The following TEAD1 variants were observed in gnomAD, a reference collection of about 807,000 sequenced individuals.
TEAD1 encodes the protein transcriptional enhancer factor TEF-1.
In TEAD1, 9 loss-of-function variants were observed where a neutral mutation model predicts 54.9. The observed-to-expected ratio is 0.16, with a 90% CI of 0.10 to 0.29. The LOEUF (loss-of-function observed/expected upper bound fraction) is 0.29. TEAD1 is among the 10% of genes least tolerant of loss of function. TEAD1 has a pLI of 1.00. For missense variants in TEAD1, 387 were observed against 535.9 expected, an observed-to-expected ratio of 0.72 and a Z score of 2.74; for synonymous variants, 200 against 187.8, an observed-to-expected ratio of 1.07 and a Z score of -0.53.
At chr11:12,743,885 C>A (rs941306407) in intron 2 of TEAD1, among the ~76,000 whole-genome samples, 2 of 152,172 alleles carry the variant, frequency 1.3e-5, no homozygotes, top group Non-Finnish European at 2.9e-5. Flanking sequence ...GACCTTGGGA[C>A]ACTACGAAGG....
intron 2 of TEAD1, among the ~76,000 whole-genome samples, chr11:12,718,337 C>T (rs1181662734): frequency 6.6e-6 from 1 of 152,130 alleles, no homozygotes; most frequent in Non-Finnish European, 1.5e-5. Flanking sequence ...AATCAGGTGT[C>T]CCCCGGCCCC....
At chr11:12,726,237 G>A (rs1188527643) in intron 2 of TEAD1, among the ~76,000 whole-genome samples, 2 of 152,200 alleles carry the variant, frequency 1.3e-5, no homozygotes, top group African/African-American at 4.8e-5. Flanking sequence ...CCTTGAAAGA[G>A]TGGTACCTCT....
Position 12,816,906 on chromosome 11 carries a change from G to T in TEAD1, c.203-45344G>T, listed in dbSNP as rs76852458. On this transcript the variant is annotated intron_variant, in intron 3 of 12. Transcript: ENST00000527636. ...TGCACCCCTCCCTGTTCTTCAAGATGCCTTCTCTGGCCATCAGGGCAGCAT... is the reference window on the plus strand; with the variant it reads ...TGCACCCCTCCCTGTTCTTCAAGATTCCTTCTCTGGCCATCAGGGCAGCAT... 1.7e-4 allele frequency among the ~76,000 whole-genome samples: 26 copies of T among 152,290 alleles called. No homozygotes were observed. In the East Asian group the frequency reaches 4.8e-3, roughly 28 times the overall value.
chr11:12,907,489 C>G (rs1321199682), intron 10 of TEAD1, among the ~76,000 whole-genome samples: 3 of 152,210 alleles, frequency 2.0e-5, no homozygotes, highest in Non-Finnish European at 4.4e-5. Context: ...GCCTCTTACT[C>G]ATTTCCTTTC....
rs976104656 is a variant in TEAD1 at position 12,942,991 on chromosome 11, C to T, written c.*5769C>T. 1.3e-5 allele frequency: 2 copies of T among 152,100 alleles called. No homozygotes were observed. The highest frequency in any genetic ancestry group is 2.4e-5 in the African/African-American group (1 of 41,416). The allele number at this position is 152,100 out of a possible 1,614,324, so 9.4% of individuals were successfully genotyped here. On this transcript the variant is annotated 3_prime_UTR_variant, in exon 13 of 13. Coordinates refer to ENST00000527636, the MANE Select transcript of TEAD1 (RefSeq NM_021961.6). Reference sequence around the variant, plus strand: ...AGGCCAAACACCAGCCAAAAAGAAACTAGGAAAAAAAGATTTTCTTTGCTA... The same window carrying T: ...AGGCCAAACACCAGCCAAAAAGAAATTAGGAAAAAAAGATTTTCTTTGCTA...
At chr11:12,913,223 G>A (rs1948649048) in intron 10 of TEAD1, among the ~76,000 whole-genome samples, 1 of 152,070 alleles carries the variant, frequency 6.6e-6, no homozygotes, top group Admixed American at 6.6e-5. Flanking sequence ...TCCATGTGCA[G>A]GTAAAGATCC....
At chr11:12,856,329 G>A (rs763716607) in intron 3 of TEAD1, among the ~76,000 whole-genome samples, 2 of 152,076 alleles carry the variant, frequency 1.3e-5, no homozygotes, top group Non-Finnish European at 2.9e-5. Context: ...CATGACATGT[G>A]CTGAAATGAT....
At chr11:12,925,990 T>G (rs768098646) in intron 11 of TEAD1, among the ~76,000 whole-genome samples, 37 of 152,176 alleles carry the variant, frequency 2.4e-4, no homozygotes, top group Non-Finnish European at 7.3e-5. Context: ...TTTAAAAAGA[T>G]GTATATTTGT....
chr11:12,865,471 C>T (rs1564968905), intron 5 of TEAD1: 1 of 155,014 alleles, frequency 6.5e-6, no homozygotes, highest in African/African-American at 2.4e-5. Context: ...ACATTGCTTA[C>T]TACTGTTTTT....
At chr11:12,776,673 C>G (rs895423567) in intron 3 of TEAD1, among the ~76,000 whole-genome samples, 18 of 151,592 alleles carry the variant, frequency 1.2e-4, no homozygotes, top group African/African-American at 4.4e-4. Flanking sequence ...GCAGATAATT[C>G]TGTCTGCCTA....
At chr11:12,900,061 A>G (rs1948396615) in intron 9 of TEAD1, among the ~76,000 whole-genome samples, 1 of 152,200 alleles carries the variant, frequency 6.6e-6, no homozygotes, top group African/African-American at 2.4e-5. Context: ...ATGTTTCTTT[A>G]TGGAAGTGCC....
intron 2 of TEAD1, among the ~76,000 whole-genome samples, chr11:12,755,353 A>G (rs777615287): frequency 3.3e-5 from 5 of 152,152 alleles, no homozygotes; most frequent in Non-Finnish European, 7.3e-5. Flanking sequence ...ACCGAGTTAT[A>G]ATAATCGGAT....
chr11:12,756,365 A>G (rs116314259), intron 2 of TEAD1, among the ~76,000 whole-genome samples: 3,287 of 152,248 alleles, frequency 0.022, 128 homozygotes, highest in African/African-American at 0.076. Context: ...TCTGACAATG[A>G]CATACTTTCT....
chr11:12,821,949 TTTTCTCTTTTCC>T (rs1296366633), intron 3 of TEAD1, among the ~76,000 whole-genome samples: 4 of 127,512 alleles, frequency 3.1e-5, no homozygotes, highest in East Asian at 5.8e-4. Context: ...TCTCTCTCCT[TTTTCTCTTTTCC>T]TTTTTTTTTT....
In TEAD1 at chr11:12,821,851, C is replaced by T. The variant is rs541615501; in HGVS notation, c.203-40399C>T. ...CATGGAACACACATGTCAGCTCGTT[C>T]TCTCACTTTACCTACCTCCTCCGCT... is the stretch of plus-strand genomic sequence containing the variant. On this transcript the variant is annotated intron_variant, in intron 3 of 12. Coordinates refer to ENST00000527636, the MANE Select transcript of TEAD1 (RefSeq NM_021961.6). 9.2e-5 allele frequency among the ~76,000 whole-genome samples: 14 copies of T among 151,894 alleles called. 1 individual carries two copies. In the South Asian group the frequency reaches 2.9e-3, roughly 32 times the overall value.
intron 3 of TEAD1, among the ~76,000 whole-genome samples, chr11:12,775,800 C>T (rs762366247): frequency 4.6e-5 from 7 of 152,050 alleles, no homozygotes; most frequent in South Asian, 2.1e-4. Flanking sequence ...TTTTTTCAAT[C>T]GCAAACATAT....
intron 2 of TEAD1, among the ~76,000 whole-genome samples, chr11:12,758,233 GT>G (rs547249617): frequency 0.021 from 2,869 of 138,940 alleles, 79 homozygotes; most frequent in African/African-American, 0.064. Context: ...TTTTTGTTTT[GT>G]TTTTTTTTTT....
intron 2 of TEAD1, among the ~76,000 whole-genome samples, chr11:12,683,913 T>C (rs983556386): frequency 6.6e-6 from 1 of 152,220 alleles, no homozygotes; most frequent in Admixed American, 6.5e-5. Flanking sequence ...CACAAATTAC[T>C]TGTTCTCTGC....
chr11:12,709,674 C>T (rs369430929), intron 2 of TEAD1, among the ~76,000 whole-genome samples: 3 of 152,070 alleles, frequency 2.0e-5, no homozygotes, highest in African/African-American at 7.2e-5. Context: ...GCCACTGCGC[C>T]TGGCTGATTT....
Sources: gnomAD v4.1 joint callset for allele counts (sites outside exome capture counted in the v4.1 genomes callset) on GRCh38, gnomAD v4.1.1 for gene constraint, MANE v1.5 for transcripts, NCBI Gene and HGNC (gene_info 2026-07-23, HGNC 2026-07-21) for gene names.